NFIA: variants seen among roughly 807,000 people sequenced by gnomAD.
The protein encoded by NFIA is nuclear factor I A, also known as nuclear factor 1 A-type.
NFIA carries 8 observed loss-of-function variants against 62.8 expected under a neutral mutation model. That is an observed-to-expected ratio of 0.13 (90% CI 0.07 to 0.23). The LOEUF (loss-of-function observed/expected upper bound fraction) is 0.23, where lower values mean the gene tolerates loss of function less well. Among genes scored for constraint, NFIA ranks in the 10% least tolerant of loss-of-function variants. The probability of loss-of-function intolerance (pLI) is 1.00; values close to 1 mark genes in which losing one functional copy is unlikely to be tolerated. For synonymous variants in NFIA, 235 were observed against 238.1 expected (o/e 0.99, Z 0.12); for missense variants, 410 against 642.1 (o/e 0.64, Z 3.91).
chr1:61,126,292 A>C (rs1329247050), intron 2 of NFIA, among the ~76,000 whole-genome samples: 1 of 152,150 alleles, frequency 6.6e-6, no homozygotes, highest in Non-Finnish European at 1.5e-5. Context: ...TCTGCCTCCC[A>C]TTAACATCTC....
intron 1 of NFIA, among the ~76,000 whole-genome samples, chr1:61,083,086 C>T (rs945574482): frequency 6.6e-6 from 1 of 152,188 alleles, no homozygotes; most frequent in African/African-American, 2.4e-5. Context: ...TAATGGCGCC[C>T]TCTTATTAAT....
rs566124945 is a variant in NFIA, at chr1:61,344,945, A to G, written c.701-7505A>G. On this transcript the variant is annotated intron_variant, in intron 4 of 10. Transcript: ENST00000403491. ...ATAACCACAACCTTATCCAACTACT[A>G]ATGTGTACAGAAGAGCAGGTCATTA... Among the ~76,000 whole-genome samples the G allele has an allele frequency of 5.8e-4, 89 of 152,192 alleles. 1 individual carries two copies. Among genetic ancestry groups the G allele is most frequent in the Non-Finnish European group, 9.6e-4 (65 of 68,036 alleles).
At chr1:61,155,735 C>T (rs1648772949) in intron 2 of NFIA, among the ~76,000 whole-genome samples, 1 of 151,132 alleles carries the variant, frequency 6.6e-6, no homozygotes, top group Non-Finnish European at 1.5e-5. Context: ...TTCCTTTTCC[C>T]TCTAGATCAA....
chr1:61,340,710 G>GT (rs1661851999), intron 4 of NFIA, among the ~76,000 whole-genome samples: 2 of 152,178 alleles, frequency 1.3e-5, no homozygotes, highest in Non-Finnish European at 2.9e-5. Context: ...AAATGCATGT[G>GT]TGTGTGCGTG....
chr1:61,115,626 C>G (rs1385303623), intron 2 of NFIA, among the ~76,000 whole-genome samples: 1 of 152,192 alleles, frequency 6.6e-6, no homozygotes, highest in Non-Finnish European at 1.5e-5. Flanking sequence ...GCAGAGCACA[C>G]ATGCATAGAG....
chr1:61,347,522 A>G (rs1274301514), intron 4 of NFIA, among the ~76,000 whole-genome samples: 3 of 152,128 alleles, frequency 2.0e-5, no homozygotes, highest in African/African-American at 4.8e-5. Flanking sequence ...TCTATTGCCA[A>G]GAAAGCCTCT....
intron 2 of NFIA, among the ~76,000 whole-genome samples, chr1:61,121,175 GTTGA>G (rs1194574561): frequency 6.6e-6 from 1 of 152,164 alleles, no homozygotes; most frequent in Non-Finnish European, 1.5e-5. Context: ...GTGAGTTAAG[GTTGA>G]TTAAGTGATC....
chr1:61,338,913 T>A (rs11207724), intron 4 of NFIA, among the ~76,000 whole-genome samples: 114,943 of 152,152 alleles, frequency 0.76, 43,830 homozygotes, highest in South Asian at 0.87. Context: ...AATTAATTTT[T>A]AAAATAGCTT....
chr1:61,115,551 G>C (rs1646780521), intron 2 of NFIA, among the ~76,000 whole-genome samples: 1 of 152,236 alleles, frequency 6.6e-6, no homozygotes, highest in African/African-American at 2.4e-5. Flanking sequence ...GTTGGCAAGG[G>C]ACTTGCAGGG....
chr1:61,351,902 C>T (rs57517297), intron 4 of NFIA, among the ~76,000 whole-genome samples: 3,289 of 152,212 alleles, frequency 0.022, 137 homozygotes, highest in African/African-American at 0.076. Context: ...AACTATGGGC[C>T]TGCCTTAAAT....
At chr1:61,436,888 GC>G (rs1170888065) in intron 10 of NFIA, among the ~76,000 whole-genome samples, 1 of 152,144 alleles carries the variant, frequency 6.6e-6, no homozygotes, top group African/African-American at 2.4e-5. Flanking sequence ...CTTTCCAAAC[GC>G]TTTACACATT....
At chr1:61,289,641 G>A (rs1021526887) in intron 3 of NFIA, among the ~76,000 whole-genome samples, 4 of 152,192 alleles carry the variant, frequency 2.6e-5, no homozygotes, top group African/African-American at 7.2e-5. Context: ...TATAAGGTGC[G>A]ATGTCATCAC....
chr1:61,088,586 A>G lies in NFIA; in HGVS notation c.465A>G (p.Gln155=), dbSNP rs772940972. ...GCGAGCGCCTTGTAAAGTCCCCACA[A>G]TGCTCTAATCCAGGGCTCTGTGTCC... The part of the protein sequence containing the change: ...TDGERLVKSP[Q]CSNPGLCVQP... Residue 155 remains glutamine (Q), a synonymous_variant, in exon 2 of 11, where the codon CAA becomes CAG. Coordinates refer to ENST00000403491, the MANE Select transcript of NFIA (RefSeq NM_001134673.4). The surrounding 1 kb of genome is among the most constrained non-coding windows in gnomAD (Gnocchi z 4.5). 8.7e-6 allele frequency: 14 copies of G among 1,614,010 alleles called. No individual in the cohort carries two copies. Among genetic ancestry groups the G allele is most frequent in the African/African-American group, 5.3e-5 (4 of 74,914 alleles).
chr1:61,240,668 T>C (rs1037950689), intron 2 of NFIA, among the ~76,000 whole-genome samples: 1 of 152,148 alleles, frequency 6.6e-6, no homozygotes, highest in African/African-American at 2.4e-5. Flanking sequence ...ATTGTAATTT[T>C]CTTTTTTCAT....
intron 4 of NFIA, among the ~76,000 whole-genome samples, chr1:61,339,487 T>A (rs1233903314): frequency 2.6e-5 from 4 of 152,100 alleles, no homozygotes; most frequent in Non-Finnish European, 4.4e-5. Context: ...CAACCCCTCA[T>A]AGAGAGGTAA....
chr1:61,285,711 A>G (rs530542663), intron 3 of NFIA, among the ~76,000 whole-genome samples: 5 of 152,274 alleles, frequency 3.3e-5, no homozygotes, highest in South Asian at 4.1e-4. Flanking sequence ...ACTCTGCCCC[A>G]TCTCAGTTGT....
At chr1:61,137,122 C>G (rs970113086) in intron 2 of NFIA, among the ~76,000 whole-genome samples, 1 of 152,094 alleles carries the variant, frequency 6.6e-6, no homozygotes, top group Non-Finnish European at 1.5e-5. Context: ...AAAATGCTAG[C>G]GGACAGAAAC....
intron 7 of NFIA, among the ~76,000 whole-genome samples, chr1:61,398,063 C>G (rs997162021): frequency 6.6e-6 from 1 of 152,190 alleles, no homozygotes; most frequent in Admixed American, 6.5e-5. Flanking sequence ...TGGGTCTACA[C>G]CAGGGACTGG....
rs572384122 is a variant in NFIA at position 61,394,988 on chromosome 1, T to G, written c.1076-9116T>G. 7.2e-5 allele frequency among the ~76,000 whole-genome samples: 11 copies of G among 152,274 alleles called. No homozygotes were observed. In the East Asian group the frequency reaches 1.7e-3, roughly 24 times the overall value. On this transcript the variant is annotated intron_variant, in intron 7 of 10. Transcript: ENST00000403491. ...CGAGCGTGGTGGCACATGCTTGCAG[T>G]CTCAGCCACTTGGGAGGCTGAGGTG...
Sources: gnomAD v4.1 joint callset for allele counts (sites outside exome capture counted in the v4.1 genomes callset) on GRCh38, gnomAD v4.1.1 for gene constraint, Gnocchi (gnomAD v3.1) non-coding constraint, MANE v1.5 for transcripts, NCBI Gene and HGNC (gene_info 2026-07-23, HGNC 2026-07-21) for gene names.